STARD13: variants seen among roughly 807,000 people sequenced by gnomAD.
STARD13 encodes stAR-related lipid transfer protein 13.
A neutral mutation model predicts 106.4 loss-of-function variants in STARD13; 62 were observed. The observed-to-expected ratio is 0.58, with a 90% CI of 0.48 to 0.72. The LOEUF is 0.72. STARD13 is among the 30% of genes least tolerant of loss of function. The pLI, the probability that STARD13 is intolerant of heterozygous loss-of-function variation, is 0.00. For synonymous variants in STARD13, 565 were observed against 553.0 expected (o/e 1.02, Z -0.31); for missense variants, 1,387 against 1,424.0 (o/e 0.97, Z 0.42).
At chr13:33,360,452 C>T in the STARD13 span, among the ~76,000 whole-genome samples, 709 of 151,814 alleles carry the variant, frequency 4.7e-3, 4 homozygotes, top group African/African-American at 0.016. Context: ...GATCCACACA[C>T]CTCGGCCTCC....
chr13:33,244,959 C>T (rs1889747474), intron 1 of STARD13, among the ~76,000 whole-genome samples: 1 of 152,196 alleles, frequency 6.6e-6, no homozygotes, highest in Non-Finnish European at 1.5e-5. Flanking sequence ...CATCCAAATA[C>T]AACACATTAA....
rs374426596 is a variant in STARD13, at chr13:33,112,504, CATCT to C, written c.2492+213_2492+216del. Among the ~76,000 whole-genome samples, 263 of 152,258 alleles carry C rather than the reference CATCT, an allele frequency of 1.7e-3. 15 individuals are homozygous for C. In the South Asian group the frequency reaches 0.048, roughly 28 times the overall value. On this transcript the variant is annotated intron_variant, in intron 9 of 13. Coordinates refer to ENST00000336934, the MANE Select transcript of STARD13 (RefSeq NM_178006.4). ...TCTTTATCATCTACCATCTATTTAT[CATCT>C]ATCTATTTAGCTGTCATCTATCATC...
the STARD13 span, among the ~76,000 whole-genome samples, chr13:33,406,223 G>T: frequency 6.6e-6 from 1 of 152,106 alleles, no homozygotes; most frequent in African/African-American, 2.4e-5. Context: ...TCTAAGCTGT[G>T]ATTTAATACA....
chr13:33,465,839 T>G, the STARD13 span, among the ~76,000 whole-genome samples: 8 of 152,214 alleles, frequency 5.3e-5, no homozygotes, highest in African/African-American at 1.9e-4. Flanking sequence ...ACGAGATACA[T>G]GCACTGGTAT....
the STARD13 span, among the ~76,000 whole-genome samples, chr13:33,483,118 A>G: frequency 1.3e-5 from 2 of 152,216 alleles, no homozygotes; most frequent in African/African-American, 4.8e-5. Flanking sequence ...AAGGTTGCCA[A>G]ATCCTTGGGA....
At chr13:33,340,779 T>C (rs1443440908) in intron 1 of STARD13, among the ~76,000 whole-genome samples, 1 of 152,250 alleles carries the variant, frequency 6.6e-6, no homozygotes, top group Non-Finnish European at 1.5e-5. Context: ...TAAAATATTG[T>C]GTAGTCATGC....
At chr13:33,147,580 T>A (rs1003419180) in intron 3 of STARD13, among the ~76,000 whole-genome samples, 1 of 152,226 alleles carries the variant, frequency 6.6e-6, no homozygotes, top group Non-Finnish European at 1.5e-5. Flanking sequence ...GTTCCAGATA[T>A]TCATTAAACA....
chr13:33,293,945 A>G (rs1892388555), intron 1 of STARD13, among the ~76,000 whole-genome samples: 1 of 152,132 alleles, frequency 6.6e-6, no homozygotes, highest in African/African-American at 2.4e-5. Flanking sequence ...CTTTATATCT[A>G]TCTATCCTAT....
the STARD13 span, among the ~76,000 whole-genome samples, chr13:33,444,764 G>C: frequency 2.6e-5 from 4 of 152,072 alleles, no homozygotes; most frequent in Non-Finnish European, 5.9e-5. Flanking sequence ...GTGAGATCCT[G>C]TCTCCAAAAA....
chr13:33,634,825 C>T, the STARD13 span, among the ~76,000 whole-genome samples: 1 of 152,144 alleles, frequency 6.6e-6, no homozygotes, highest in South Asian at 2.1e-4. Flanking sequence ...AAAGTGGTGT[C>T]GCTGCGAATG....
chr13:33,443,003 T>C, the STARD13 span, among the ~76,000 whole-genome samples: 6 of 152,266 alleles, frequency 3.9e-5, no homozygotes, highest in African/African-American at 1.4e-4. Context: ...TTTTACAAGA[T>C]GAAGAGTTCT....
Position 33,322,733 on chromosome 13 carries a change from A to C in STARD13, c.124+27557T>G, listed in dbSNP as rs139818159. Among the ~76,000 whole-genome samples the C allele has an allele frequency of 3.9e-5, 6 of 152,360 alleles. No homozygotes were observed. The East Asian group carries it at 1.2e-3, about 29-fold the overall frequency. ...TTTTCTCTTGATAAGCCAGGACTTC[A>C]GAAGTTAAAAAGAAGAGACTGCTAT... On this transcript the variant is annotated intron_variant, in intron 1 of 5. Transcript: ENST00000567873.
intron 1 of STARD13, chr13:33,276,308 G>A (rs546452689): frequency 6.6e-6 from 1 of 152,260 alleles, no homozygotes; most frequent in East Asian, 1.9e-4. Context: ...AGGGCCTTGC[G>A]ATGGATTTCA....
chr13:33,499,765 T>C, the STARD13 span, among the ~76,000 whole-genome samples: 85 of 140,800 alleles, frequency 6.0e-4, 1 homozygote, highest in East Asian at 3.0e-3. Context: ...TTCTTTCTTT[T>C]TTTTTTTTTT....
chr13:33,234,773 T>A (rs781011548), intron 1 of STARD13, among the ~76,000 whole-genome samples: 1 of 152,238 alleles, frequency 6.6e-6, no homozygotes, highest in Non-Finnish European at 1.5e-5. Context: ...TTGCCAGGTT[T>A]AATTAGTTAT....
At chr13:33,604,071 C>A in the STARD13 span, among the ~76,000 whole-genome samples, 1 of 151,980 alleles carries the variant, frequency 6.6e-6, no homozygotes, top group Admixed American at 6.6e-5. Context: ...AAAAAGCAAT[C>A]ATTATATTAA....
At chr13:33,462,233 A>G in the STARD13 span, among the ~76,000 whole-genome samples, 4 of 152,186 alleles carry the variant, frequency 2.6e-5, no homozygotes, top group African/African-American at 9.7e-5. Flanking sequence ...ATTTGTTTGA[A>G]TCCTCCCACT....
At chr13:33,280,484 G>A (rs1485151015) in intron 1 of STARD13, 2 of 152,156 alleles carry the variant, frequency 1.3e-5, no homozygotes, top group African/African-American at 4.8e-5. Context: ...TGTGAGGTAA[G>A]AGGCACACAC....
chr13:33,350,553 G>A, exon 1 of STARD13: 2 of 1,427,688 alleles, frequency 1.4e-6, no homozygotes, highest in Non-Finnish European at 1.8e-6. Context: ...CGCGACATGG[G>A]TCGGTCCGGC....
Sources: gnomAD v4.1 joint callset for allele counts (sites outside exome capture counted in the v4.1 genomes callset) on GRCh38, gnomAD v4.1.1 for gene constraint, MANE v1.5 for transcripts, NCBI Gene and HGNC (gene_info 2026-07-23, HGNC 2026-07-21) for gene names.